STX17: variants seen among roughly 807,000 people sequenced by gnomAD.
STX17 encodes the protein syntaxin 17, also known as syntaxin-17.
STX17 carries 29 observed loss-of-function variants against 35.9 expected under a neutral mutation model. The observed-to-expected ratio is 0.81, with a 90% CI of 0.60 to 1.10. The LOEUF is 1.10. STX17 is among the 50% of genes least tolerant of loss of function. The probability of loss-of-function intolerance (pLI) is 0.00; values close to 1 mark genes in which losing one functional copy is unlikely to be tolerated. For synonymous variants in STX17, 92 were observed against 118.3 expected (o/e 0.78, Z 1.44); for missense variants, 312 against 352.3 (o/e 0.89, Z 0.92).
chr9:99,972,454 C>T lies in STX17; in HGVS notation c.*3781C>T, dbSNP rs1025011629. ...TTGCCTCCAAAGACATTTTGCAGAT[C>T]ATCCCAGAAAAGGGGGTATGATGGT... On this transcript the variant is annotated 3_prime_UTR_variant, in exon 8 of 8. Coordinates refer to ENST00000259400, the MANE Select transcript of STX17 (RefSeq NM_017919.3). Among the ~76,000 whole-genome samples the T allele has an allele frequency of 6.6e-6, 1 of 152,168 alleles. No homozygotes were observed. Among genetic ancestry groups the T allele is most frequent in the Non-Finnish European group, 1.5e-5 (1 of 68,038 alleles).
chr9:99,959,853 T>A (rs1477863971), intron 4 of STX17, 64 bp from the exon 5 acceptor site: 9 of 1,216,254 alleles, frequency 7.4e-6, no homozygotes, highest in Non-Finnish European at 1.1e-5. Context: ...TGAAATCAAT[T>A]TATGCTGTCT....
At chr9:99,962,395 C>A (rs1310443411) in intron 6 of STX17, among the ~76,000 whole-genome samples, 2 of 152,154 alleles carry the variant, frequency 1.3e-5, no homozygotes, top group African/African-American at 4.8e-5. Flanking sequence ...AACTAATAAT[C>A]TCTGAATCCA....
intron 4 of STX17, among the ~76,000 whole-genome samples, chr9:99,955,862 C>T (rs1166078391): frequency 6.6e-6 from 1 of 152,076 alleles, no homozygotes; most frequent in African/African-American, 2.4e-5. Flanking sequence ...CAATTTTTTA[C>T]TTCTGTAGGC....
intron 3 of STX17, among the ~76,000 whole-genome samples, chr9:99,936,078 T>C (rs1301573312): frequency 6.6e-6 from 1 of 152,218 alleles, no homozygotes; most frequent in East Asian, 1.9e-4. Context: ...GTAATGTCTG[T>C]CAGTGTTTAA....
intron 2 of STX17, among the ~76,000 whole-genome samples, chr9:99,928,555 TG>T (rs1455598932): frequency 6.6e-6 from 1 of 152,100 alleles, no homozygotes; most frequent in Non-Finnish European, 1.5e-5. Context: ...ACCTGCTTAG[TG>T]GGGTTTTTTT....
At chr9:99,915,068 T>C (rs1033404241) in intron 1 of STX17, 110 bp from the exon 2 acceptor site, 3 of 640,486 alleles carry the variant, frequency 4.7e-6, no homozygotes, top group African/African-American at 1.9e-5. Context: ...AGGTCAGCAT[T>C]AGAAATATTC....
At chr9:99,967,577 A>G (rs1829940601) in intron 6 of STX17, 76 bp from the exon 7 acceptor site, 1 of 1,353,192 alleles carries the variant, frequency 7.4e-7, no homozygotes, top group South Asian at 1.2e-5. Flanking sequence ...CCCTGATTAC[A>G]GGAATTAAAA....
rs180824469 is a variant in STX17 at position 99,923,292 on chromosome 9, A to G, written c.124-5486A>G. Among the ~76,000 whole-genome samples the G allele has an allele frequency of 1.4e-4, 22 of 152,272 alleles. No individual in the cohort carries two copies. The East Asian group carries it at 4.2e-3, about 29-fold the overall frequency. ...CATGGGAAAGCTGCAAATGTCTATG[A>G]TATTAGACAGTTGTAATAGTAAAAT... On this transcript the variant is annotated intron_variant, in intron 2 of 7. Coordinates refer to ENST00000259400, the MANE Select transcript of STX17 (RefSeq NM_017919.3).
At chr9:99,950,985 T>C in intron 3 of STX17, 75 bp from the exon 4 acceptor site, 2 of 1,284,666 alleles carry the variant, frequency 1.6e-6, no homozygotes, top group Non-Finnish European at 1.1e-6. Context: ...TCCACAACTA[T>C]TATAACATTA....
intron 3 of STX17, among the ~76,000 whole-genome samples, chr9:99,949,967 TC>T (rs1829560595): frequency 8.1e-6 from 1 of 122,734 alleles, no homozygotes; most frequent in Non-Finnish European, 1.9e-5. Context: ...ACACACACAC[TC>T]CTATGTGCTA....
chr9:99,932,998 G>A (rs72746321), intron 3 of STX17, among the ~76,000 whole-genome samples: 9,123 of 151,946 alleles, frequency 0.06, 389 homozygotes, highest in Non-Finnish European at 0.093. Flanking sequence ...CTACTTTGGC[G>A]GCTTGTTCAA....
rs1331862267 is a variant in STX17, at chr9:99,973,521, A to G, written c.*4848A>G. Reference sequence around the variant, plus strand: ...AAATCAGGGGCAGCTCTCTTCTCCCATCCCAGCCATGAATCTTTCAACCTT... The same window carrying G: ...AAATCAGGGGCAGCTCTCTTCTCCCGTCCCAGCCATGAATCTTTCAACCTT... On this transcript the variant is annotated 3_prime_UTR_variant, in exon 8 of 8. Coordinates refer to ENST00000259400, the MANE Select transcript of STX17 (RefSeq NM_017919.3). Among the ~76,000 whole-genome samples, 1 of 152,172 alleles carries G rather than the reference A, an allele frequency of 6.6e-6. No individual in the cohort carries two copies. Among genetic ancestry groups the G allele is most frequent in the South Asian group, 2.1e-4 (1 of 4,826 alleles).
At chr9:99,968,381 C>T in intron 7 of STX17, 53 bp from the exon 8 acceptor site, 3 of 1,512,374 alleles carry the variant, frequency 2.0e-6, no homozygotes, top group Non-Finnish European at 2.6e-6. Flanking sequence ...CACATCACCA[C>T]AGGCAGATAT....
At chr9:99,942,479 G>A (rs555910700) in intron 3 of STX17, among the ~76,000 whole-genome samples, 8 of 152,028 alleles carry the variant, frequency 5.3e-5, no homozygotes, top group African/African-American at 1.2e-4. Flanking sequence ...ATTTTGTGCC[G>A]TGTTTACTTT....
chr9:99,972,016 C>T lies in STX17; in HGVS notation c.*3343C>T, dbSNP rs1238535095. Among the ~76,000 whole-genome samples the T allele has an allele frequency of 6.6e-6, 1 of 152,148 alleles. No homozygotes were observed. The highest frequency in any genetic ancestry group is 1.9e-4 in the East Asian group (1 of 5,196). The stretch of plus-strand genomic sequence containing the variant: ...AATATTTAAAAAAAGGTGGGTCATC[C>T]ATTCTCCTTTACCAAACAGGCTTTG... On this transcript the variant is annotated 3_prime_UTR_variant, in exon 8 of 8. Coordinates refer to ENST00000259400, the MANE Select transcript of STX17 (RefSeq NM_017919.3).
At chr9:99,935,055 G>A (rs563871184) in intron 3 of STX17, among the ~76,000 whole-genome samples, 1 of 152,088 alleles carries the variant, frequency 6.6e-6, no homozygotes, top group African/African-American at 2.4e-5. Context: ...TGTAGGCTGG[G>A]CGCAGTGGCT....
chr9:99,955,800 G>C (rs1167442422), intron 4 of STX17, among the ~76,000 whole-genome samples: 1 of 152,046 alleles, frequency 6.6e-6, no homozygotes, highest in Non-Finnish European at 1.5e-5. Flanking sequence ...TATGCTTCTG[G>C]TTTGTGTGTG....
intron 2 of STX17, among the ~76,000 whole-genome samples, chr9:99,925,076 GGATTA>G (rs1324735719): frequency 6.6e-6 from 1 of 151,406 alleles, no homozygotes; most frequent in Non-Finnish European, 1.5e-5. Flanking sequence ...TCTTTCTTTT[GGATTA>G]ATCAAATATT....
chr9:99,953,539 G>A lies in STX17; in HGVS notation c.415+2254G>A, dbSNP rs889405103. ...ATAGTTATTGCTGCCATATTGGTGA[G>A]GTTGAAGGCCGTTTTTATCACTTAG... On this transcript the variant is annotated intron_variant, in intron 4 of 7. Coordinates refer to ENST00000259400, the MANE Select transcript of STX17 (RefSeq NM_017919.3). Among the ~76,000 whole-genome samples the A allele has an allele frequency of 4.6e-5, 7 of 152,154 alleles. No homozygotes were observed. The South Asian group carries it at 1.2e-3, about 27-fold the overall frequency.
Sources: gnomAD v4.1 joint callset for allele counts (sites outside exome capture counted in the v4.1 genomes callset) on GRCh38, gnomAD v4.1.1 for gene constraint, MANE v1.5 for transcripts, NCBI Gene and HGNC (gene_info 2026-07-23, HGNC 2026-07-21) for gene names.